The following GSK3A variants were observed in gnomAD, a reference collection of about 807,000 sequenced individuals.
GSK3A encodes glycogen synthase kinase-3 alpha.
GSK3A carries 14 observed loss-of-function variants against 56.6 expected under a neutral mutation model. The observed-to-expected ratio is 0.25, with a 90% CI of 0.16 to 0.39. The LOEUF is 0.39. Ranked by LOEUF, GSK3A falls within the 10% of genes least tolerant of loss-of-function variation. The pLI is 1.00. For synonymous variants in GSK3A, 301 were observed against 285.0 expected, an observed-to-expected ratio of 1.06 and a Z score of -0.56; for missense variants, 450 against 656.0, an observed-to-expected ratio of 0.69 and a Z score of 3.43.
intron 2 of GSK3A, among the ~76,000 whole-genome samples, chr19:42,238,424 G>A (rs570717485): frequency 3.9e-4 from 59 of 150,132 alleles, no homozygotes; most frequent in African/African-American, 1.4e-3. Flanking sequence ...TGGCTAACTC[G>A]GTGAAACCCC....
intron 2 of GSK3A, among the ~76,000 whole-genome samples, chr19:42,238,656 T>G (rs943469831): frequency 2.0e-5 from 3 of 149,290 alleles, no homozygotes; most frequent in Non-Finnish European, 4.5e-5. Context: ...AATCCAGTTT[T>G]CAGTTTGTCT....
rs1175974409 is a variant in GSK3A, at chr19:42,233,153, G to A, written c.1055C>T (p.Thr352Met). 2 of 1,608,900 alleles carry A rather than the reference G, an allele frequency of 1.2e-6. No individual in the cohort carries two copies. Among genetic ancestry groups the A allele is most frequent in the South Asian group, 1.1e-5 (1 of 90,198 alleles). ...EQIREMNPNY[T>M]EFKFPQIKAH... ...TTTAATCTGAGGGAACTTGAACTCC[G>A]TGTAGTTGGGGTTCATCTCTCGGAT... The change falls in exon 8 of 11, where the codon ACG becomes ATG. Residue 352 changes from threonine to methionine, a missense_variant. This residue lies in a region of GSK3A where 144 missense variants were observed against 308.0 expected (regional missense o/e 0.47). Transcript: ENST00000222330.
At chr19:42,240,220 G>T (rs2146940029) in intron 1 of GSK3A, 78 bp from the exon 2 acceptor site, 2 of 1,357,502 alleles carry the variant, frequency 1.5e-6, no homozygotes, top group Non-Finnish European at 2.1e-6. Flanking sequence ...GTGGGAGGAA[G>T]GGAAATCTCT....
rs547636176 is a variant in GSK3A at position 42,234,997 on chromosome 19, C to G, written c.667-319G>C. On this transcript the variant is annotated intron_variant, in intron 4 of 10. Transcript: ENST00000222330. The surrounding 1 kb of genome is among the most constrained non-coding windows in gnomAD (Gnocchi z 5.7). ...CAAAAATTAGCCGGGCGTGGTGGTGCACACCTGTAATCCCAGCTACTCGGG... is the reference window on the plus strand; with the variant it reads ...CAAAAATTAGCCGGGCGTGGTGGTGGACACCTGTAATCCCAGCTACTCGGG... 1.1e-4 allele frequency among the ~76,000 whole-genome samples: 16 copies of G among 152,216 alleles called. No individual in the cohort carries two copies. The East Asian group carries it at 2.7e-3, about 26-fold the overall frequency.
Position 42,230,440 on chromosome 19 carries a change from A to C in GSK3A, c.*354T>G. On this transcript the variant is annotated 3_prime_UTR_variant, in exon 11 of 11. Coordinates refer to ENST00000222330, the MANE Select transcript of GSK3A (RefSeq NM_019884.3). Reference sequence around the variant, plus strand: ...TCTATTTACACCCGGGGGCCAGGGAAGGGAAGAGGAGACGGGCTGGGCTGG... The same window carrying C: ...TCTATTTACACCCGGGGGCCAGGGACGGGAAGAGGAGACGGGCTGGGCTGG... 3.4e-6 allele frequency: 1 copy of C among 291,626 alleles called. No individual in the cohort carries two copies. 18.1% of individuals were successfully genotyped at this position (291,626 alleles called of 1,614,324 possible). A position where few individuals can be genotyped will look rare whatever the true frequency, so the allele number is the denominator to read the frequency against.
At chr19:42,238,154 C>T (rs2036269512) in intron 2 of GSK3A, among the ~76,000 whole-genome samples, 1 of 151,788 alleles carries the variant, frequency 6.6e-6, no homozygotes, top group Non-Finnish European at 1.5e-5. Flanking sequence ...GAGTTCGAGA[C>T]CAGCCTGGCC....
Position 42,232,689 on chromosome 19 carries a change from G to A in GSK3A, c.1099-7C>T. On this transcript the variant is annotated splice_polypyrimidine_tract_variant and splice_region_variant and intron_variant, in intron 8 of 10. Coordinates refer to ENST00000222330, the MANE Select transcript of GSK3A (RefSeq NM_019884.3). Reference sequence around the variant, plus strand: ...GCGTTCGAGATTTGAACACCTGAGGGATGGGTGCAGGGCTCATGAGGGTGA... The same window carrying A: ...GCGTTCGAGATTTGAACACCTGAGGAATGGGTGCAGGGCTCATGAGGGTGA... 1 of 1,568,580 alleles carries A rather than the reference G, an allele frequency of 6.4e-7. No homozygotes were observed. The highest frequency in any genetic ancestry group is 8.7e-7 in the Non-Finnish European group (1 of 1,153,876).
chr19:42,242,167 C>G lies in GSK3A; in HGVS notation c.283+16G>C. On this transcript the variant is annotated intron_variant, in intron 1 of 10. Coordinates refer to ENST00000222330, the MANE Select transcript of GSK3A (RefSeq NM_019884.3). Reference sequence around the variant, plus strand: ...AACCCTAATCACCACCCTACACGGGCGCCACTAGTACTCACGGCCCAGCTT... The same window carrying G: ...AACCCTAATCACCACCCTACACGGGGGCCACTAGTACTCACGGCCCAGCTT... 7.3e-7 allele frequency: 1 copy of G among 1,365,250 alleles called. No homozygotes were observed. Among genetic ancestry groups the G allele is most frequent in the South Asian group, 1.7e-5 (1 of 57,202 alleles). 84.6% of individuals were successfully genotyped at this position (1,365,250 alleles called of 1,614,324 possible). A position where few individuals can be genotyped will look rare whatever the true frequency, so the allele number is the denominator to read the frequency against.
chr19:42,236,489 A>G (rs1480917635), intron 4 of GSK3A, 117 bp downstream of exon 4: 3 of 740,648 alleles, frequency 4.1e-6, no homozygotes, highest in African/African-American at 3.4e-5. Flanking sequence ...AGCAGGGGAC[A>G]TGGGGCCTCC....
At chr19:42,233,824 C>T (rs2036240355) in intron 6 of GSK3A, among the ~76,000 whole-genome samples, 1 of 152,174 alleles carries the variant, frequency 6.6e-6, no homozygotes, top group African/African-American at 2.4e-5. Flanking sequence ...ACCTTGACCC[C>T]CACAGCACGA....
chr19:42,241,665 C>T (rs1048270864), intron 1 of GSK3A: 1 of 152,230 alleles, frequency 6.6e-6, no homozygotes, highest in African/African-American at 2.4e-5. Flanking sequence ...GATCTGAGTA[C>T]CAGGTTTGGA....
In GSK3A at chr19:42,232,511, T is replaced by C; in HGVS notation, c.1270A>G (p.Asn424Asp). The C allele has an allele frequency of 6.2e-7, 1 of 1,613,926 alleles. No homozygotes were observed. The highest frequency in any genetic ancestry group is 1.7e-4 in the Middle Eastern group (1 of 6,058). The change falls in exon 9 of 11, where the codon AAC becomes GAC. Residue 424 changes from asparagine to aspartate, a missense_variant. Physicochemically the swap from Asn to Asp is conservative, Grantham distance 23. Transcript: ENST00000222330. ...ATGCCCTCACCACCAGCACTGAAGTTGAAGAGAGGGGGAAGTGGGCGGTTG... is the reference window on the plus strand; with the variant it reads ...ATGCCCTCACCACCAGCACTGAAGTCGAAGAGAGGGGGAAGTGGGCGGTTG... ...PNNRPLPPLF[N>D]FSAGELSIQP...
At position 42,233,044 on chromosome 19, in the gene GSK3A, AAC is replaced by A. The variant is rs138954206; in HGVS notation, c.1098+64_1098+65del. On this transcript the variant is annotated intron_variant, in intron 8 of 10. Coordinates refer to ENST00000222330, the MANE Select transcript of GSK3A (RefSeq NM_019884.3). ...CGTGATTCTGAGGCTAGGTCCACAG[AAC>A]AGTTGACCTCCAAGGGGGACCAGCT... 3,278 of 1,012,708 alleles carry A rather than the reference AAC, an allele frequency of 3.2e-3. 146 individuals carry two copies. In the East Asian group the frequency reaches 0.074, roughly 23 times the overall value. The allele number at this position is 1,012,708 out of a possible 1,614,324, so 62.7% of individuals were successfully genotyped here. A position where few individuals can be genotyped will look rare whatever the true frequency, so the allele number is the denominator to read the frequency against.
intron 2 of GSK3A, among the ~76,000 whole-genome samples, chr19:42,237,912 T>C (rs575475380): frequency 2.7e-5 from 4 of 150,748 alleles, no homozygotes; most frequent in African/African-American, 9.7e-5. Flanking sequence ...AGATAAAATT[T>C]ATTATTATTA....
At chr19:42,236,107 A>C (rs902190832) in intron 4 of GSK3A, among the ~76,000 whole-genome samples, 10 of 152,076 alleles carry the variant, frequency 6.6e-5, no homozygotes, top group African/African-American at 2.4e-4. Flanking sequence ...GGTCTGTAAC[A>C]CCCAGGGCAC....
rs2036213618 is a variant in GSK3A at position 42,230,237 on chromosome 19, C to G, written c.*557G>C. On this transcript the variant is annotated 3_prime_UTR_variant, in exon 11 of 11. Transcript: ENST00000222330. ...AACGGAGGTCTGTACACAGGCAAAC[C>G]TTACTGTGGAAACTAAGACATCAGG... 6.4e-6 allele frequency: 1 copy of G among 155,536 alleles called. No homozygotes were observed. Among genetic ancestry groups the G allele is most frequent in the Non-Finnish European group, 1.4e-5 (1 of 70,116 alleles). 9.6% of individuals were successfully genotyped at this position (155,536 alleles called of 1,614,324 possible).
Position 42,232,377 on chromosome 19 carries a change from C to T in GSK3A, c.1285+119G>A, listed in dbSNP as rs890297397. ...TCTGGGAGTCATCTTTCCTGAGCCC[C>T]AGGCCTGCCTTGTACCCTGCCCTTA... On this transcript the variant is annotated intron_variant, in intron 9 of 10. Transcript: ENST00000222330. The T allele has an allele frequency of 1.9e-5, 17 of 912,104 alleles. No individual in the cohort carries two copies. In the East Asian group the frequency reaches 3.4e-4, roughly 18 times the overall value. The allele number at this position is 912,104 out of a possible 1,614,324, so 56.5% of individuals were successfully genotyped here.
chr19:42,232,460 C>A (rs764272210), intron 9 of GSK3A, 36 bp downstream of exon 9: 1 of 1,599,746 alleles, frequency 6.3e-7, no homozygotes, highest in South Asian at 1.1e-5. Context: ...CCCCCCTACC[C>A]CGCCCCACTC....
In GSK3A at chr19:42,230,273, A is replaced by C. The variant is rs887853762; in HGVS notation, c.*521T>G. The C allele has an allele frequency of 6.4e-6, 1 of 156,544 alleles. No individual in the cohort carries two copies. The highest frequency in any genetic ancestry group is 1.4e-5 in the Non-Finnish European group (1 of 70,798). The allele number at this position is 156,544 out of a possible 1,614,324, so 9.7% of individuals were successfully genotyped here. On this transcript the variant is annotated 3_prime_UTR_variant, in exon 11 of 11. Coordinates refer to ENST00000222330, the MANE Select transcript of GSK3A (RefSeq NM_019884.3). ...AACTAAGACATCAGGAGCTCTCTCC[A>C]CTCCCCTGGCCCTCCAGGGTGGGGT...
Sources: allele counts gnomAD v4.1 joint callset (sites outside exome capture counted in the v4.1 genomes callset), GRCh38; gene constraint gnomAD v4.1.1; regional missense constraint gnomAD v4.1.1; non-coding constraint Gnocchi (gnomAD v3.1); transcripts MANE v1.5; gene names NCBI Gene and HGNC (gene_info 2026-07-23, HGNC 2026-07-21).